Variants in ZNF780B observed in about 807,000 individuals in gnomAD.
ZNF780B encodes the protein zinc finger protein 780B.
In ZNF780B, 52 loss-of-function variants were observed where a neutral mutation model predicts 74.1. That is an observed-to-expected ratio of 0.70 (90% CI 0.56 to 0.88). The LOEUF (loss-of-function observed/expected upper bound fraction) is 0.88, where lower values mean the gene tolerates loss of function less well. Ranked by LOEUF, ZNF780B falls within the 40% of genes least tolerant of loss-of-function variation. ZNF780B has a pLI of 0.00. For synonymous variants in ZNF780B, 315 were observed against 324.3 expected (o/e 0.97, Z 0.31); for missense variants, 953 against 1,007.6 (o/e 0.95, Z 0.73).
chr19:40,043,708 T>C (rs1041191413), intron 4 of ZNF780B, among the ~76,000 whole-genome samples: 1 of 152,236 alleles, frequency 6.6e-6, no homozygotes, highest in African/African-American at 2.4e-5. Context: ...CTCCGAGCCA[T>C]GTGCGGGATA....
In ZNF780B at chr19:40,034,661, G is replaced by A. The variant is rs765646390; in HGVS notation, c.2198C>T (p.Ala733Val). Residue 733 changes from alanine to valine, a missense_variant, in exon 5 of 5, where the codon GCC becomes GTC. Transcript: ENST00000434248. ...AGCAAGCTGTGTCAGAAGACCAAAGGCCTTTCCGCATTCTTTACATTCAAA... is the reference window on the plus strand; with the variant it reads ...AGCAAGCTGTGTCAGAAGACCAAAGACCTTTCCGCATTCTTTACATTCAAA... ...KPFECKECGK[A>V]FGLLTQLAQH... 14 of 1,613,956 alleles carry A rather than the reference G, an allele frequency of 8.7e-6. No homozygotes were observed. Among genetic ancestry groups the A allele is most frequent in the Admixed American group, 1.7e-5 (1 of 59,994 alleles).
At chr19:40,044,915 A>G (rs762849837) in intron 4 of ZNF780B, among the ~76,000 whole-genome samples, 25 of 152,246 alleles carry the variant, frequency 1.6e-4, no homozygotes, top group Non-Finnish European at 3.2e-4. Flanking sequence ...TGAATGGATG[A>G]AAAAACATGA....
At position 40,029,348 on chromosome 19, in the gene ZNF780B, G is replaced by A. The variant is rs867455950; in HGVS notation, c.*5009C>T. 2 of 154,588 alleles carry A rather than the reference G, an allele frequency of 1.3e-5. No homozygotes were observed. Among genetic ancestry groups the A allele is most frequent in the Middle Eastern group, 1.1e-3 (2 of 1,828 alleles). The allele number at this position is 154,588 out of a possible 1,614,324, so 9.6% of individuals were successfully genotyped here. On this transcript the variant is annotated 3_prime_UTR_variant, in exon 5 of 5. Coordinates refer to ENST00000434248, the MANE Select transcript of ZNF780B (RefSeq NM_001005851.3). The stretch of plus-strand genomic sequence containing the variant: ...CTAAAACAAGTTTCTTTACAACGCT[G>A]CTCAGAAACACCATGACAAATTTAA...
chr19:40,034,613 C>T lies in ZNF780B; in HGVS notation c.2246G>A (p.Gly749Asp). ...QLAQHQIIHT[G>D]EKPFKCKECG... The stretch of plus-strand genomic sequence containing the variant: ...CTCCTTACATTTAAATGGCTTCTCA[C>T]CAGTATGAATGATCTGATGTTGAGC... Residue 749 changes from glycine (G) to aspartate (D), a missense_variant, in exon 5 of 5, where the codon GGT becomes GAT. Transcript: ENST00000434248. The T allele has an allele frequency of 6.2e-7, 1 of 1,613,996 alleles. No homozygotes were observed. The highest frequency in any genetic ancestry group is 8.5e-7 in the Non-Finnish European group (1 of 1,179,978).
At chr19:40,050,829 G>A (rs1973192176) in intron 1 of ZNF780B, among the ~76,000 whole-genome samples, 1 of 152,230 alleles carries the variant, frequency 6.6e-6, no homozygotes, top group Non-Finnish European at 1.5e-5. Context: ...AGTGGGGCAA[G>A]GCATGAGAAC....
chr19:40,053,990 T>G (rs1973358016), intron 1 of ZNF780B, among the ~76,000 whole-genome samples: 1 of 152,140 alleles, frequency 6.6e-6, no homozygotes, highest in Non-Finnish European at 1.5e-5. Flanking sequence ...CTGTCTCTAC[T>G]AAAAATACAA....
chr19:40,034,871 T>C lies in ZNF780B; in HGVS notation c.1988A>G (p.His663Arg), dbSNP rs1301777923. 1 of 1,613,964 alleles carries C rather than the reference T, an allele frequency of 6.2e-7. No homozygotes were observed. The highest frequency in any genetic ancestry group is 1.7e-5 in the Admixed American group (1 of 59,986). Residue 663 changes from histidine (H) to arginine (R), a missense_variant, in exon 5 of 5, where the codon CAT (histidine) becomes CGT (arginine). His to Arg is a conservative substitution (Grantham distance 29, BLOSUM62 0). Coordinates refer to ENST00000434248, the MANE Select transcript of ZNF780B (RefSeq NM_001005851.3). ...ACATTCATATGGTTTTACACCAGCA[T>C]GAATACTCTGATGTTGAACAAGGTT... ...VSNLVQHQSI[H>R]AGVKPYECKE...
rs755286420 is a variant in ZNF780B, at chr19:40,034,668, C to T, written c.2191G>A (p.Gly731Arg). ...GEKPFECKEC[G>R]KAFGLLTQLA... Reference sequence around the variant, plus strand: ...TGTGTCAGAAGACCAAAGGCCTTTCCGCATTCTTTACATTCAAAGGGTTTC... The same window carrying T: ...TGTGTCAGAAGACCAAAGGCCTTTCTGCATTCTTTACATTCAAAGGGTTTC... The change falls in exon 5 of 5, where the codon GGA (glycine) becomes AGA (arginine). Residue 731 changes from glycine (G) to arginine (R), a missense_variant. By Grantham distance (125) the Gly-to-Arg change is moderately radical. Coordinates refer to ENST00000434248, the MANE Select transcript of ZNF780B (RefSeq NM_001005851.3). The T allele has an allele frequency of 4.1e-5, 66 of 1,613,874 alleles. No individual in the cohort carries two copies. The highest frequency in any genetic ancestry group is 1.0e-4 in the Admixed American group (6 of 59,976).
chr19:40,049,655 C>T lies in ZNF780B; in HGVS notation c.9+669G>A, dbSNP rs533447258. Among the ~76,000 whole-genome samples, 24 of 152,236 alleles carry T rather than the reference C, an allele frequency of 1.6e-4. 1 individual carries two copies. The South Asian group carries it at 4.2e-3, about 26-fold the overall frequency. ...CTGTGGAGGAGTTTCAAGGTGTTCC[C>T]GAGTGTGGTCAAATGCGACAATCAT... is the stretch of plus-strand genomic sequence containing the variant. On this transcript the variant is annotated intron_variant, in intron 2 of 4. Transcript: ENST00000434248.
At position 40,035,250 on chromosome 19, in the gene ZNF780B, C is replaced by T. The variant is rs368627644; in HGVS notation, c.1609G>A (p.Ala537Thr). The change falls in exon 5 of 5, where the codon GCT (alanine) becomes ACT (threonine). Residue 537 changes from alanine to threonine, a missense_variant. By Grantham distance (58) the Ala-to-Thr change is moderately conservative. Transcript: ENST00000434248. ...KPYECKECGK[A>T]FRLHLQLSQH... is the part of the protein sequence containing the mutation. ...GAAAGTTGTAGGTGAAGTCTAAAAG[C>T]CTTCCCACACTCCTTACATTCATAG... The T allele has an allele frequency of 6.2e-7, 1 of 1,613,998 alleles. No individual in the cohort carries two copies. Among genetic ancestry groups the T allele is most frequent in the Non-Finnish European group, 8.5e-7 (1 of 1,180,002 alleles).
At chr19:40,040,868 G>T (rs1358802200) in intron 4 of ZNF780B, among the ~76,000 whole-genome samples, 5 of 152,108 alleles carry the variant, frequency 3.3e-5, no homozygotes, top group African/African-American at 7.2e-5. Context: ...CCAGCTCCTG[G>T]ATTCATTAAT....
chr19:40,051,067 G>T (rs1456375937), intron 1 of ZNF780B, among the ~76,000 whole-genome samples: 1 of 152,122 alleles, frequency 6.6e-6, no homozygotes, highest in Non-Finnish European at 1.5e-5. Context: ...AAGACTAATA[G>T]ACATCAATAC....
At position 40,034,360 on chromosome 19, in the gene ZNF780B, C is replaced by T. The variant is rs1398701940; in HGVS notation, c.2499G>A (p.Gly833=). Residue 833 remains glycine (G), a synonymous_variant, in exon 5 of 5, where the codon GGG becomes GGA. Transcript: ENST00000434248. ...CATTCCTTACATTCAAAGGTTTTCA[C>T]CCAAGTATGAATTTTCTGATGTTCA... is the stretch of plus-strand genomic sequence containing the variant. ...NLLNIRKFIL[G] is the part of the protein sequence containing the mutation. 1.2e-6 allele frequency: 2 copies of T among 1,603,036 alleles called. No homozygotes were observed. The highest frequency in any genetic ancestry group is 1.3e-5 in the African/African-American group (1 of 74,498).
chr19:40,035,626 A>C lies in ZNF780B; in HGVS notation c.1233T>G (p.His411Gln), dbSNP rs1171664907. The C allele has an allele frequency of 6.2e-7, 1 of 1,613,950 alleles. No individual in the cohort carries two copies. The highest frequency in any genetic ancestry group is 1.1e-5 in the South Asian group (1 of 91,058). The change falls in exon 5 of 5, where the codon CAT becomes CAG. Residue 411 changes from histidine (H) to glutamine (Q), a missense_variant. Coordinates refer to ENST00000434248, the MANE Select transcript of ZNF780B (RefSeq NM_001005851.3). ...TACATTCATATGGTTTTACATCAGCATGAATACTCTGGTGTTGAATAAGGT... is the reference window on the plus strand; with the variant it reads ...TACATTCATATGGTTTTACATCAGCCTGAATACTCTGGTGTTGAATAAGGT... ...SSNLIQHQSI[H>Q]ADVKPYECKE...
rs757300491 is a variant in ZNF780B, at chr19:40,035,815, A to G, written c.1044T>C (p.Leu348=). 4 of 1,614,006 alleles carry G rather than the reference A, an allele frequency of 2.5e-6. No homozygotes were observed. The highest frequency in any genetic ancestry group is 1.3e-5 in the African/African-American group (1 of 74,904). ...CRKAFTLLTK[L]VRHQKIHMGE... ...CCATATGAATCTTCTGATGTCGAAC[A>G]AGCTTTGTCAGAAGAGTAAAGGCCT... Residue 348 remains leucine (L), a synonymous_variant, in exon 5 of 5, where the codon CTT becomes CTC. Transcript: ENST00000434248.
chr19:40,050,470 A>C, intron 1 of ZNF780B, 93 bp from the exon 2 acceptor site: 9 of 1,253,076 alleles, frequency 7.2e-6, no homozygotes, highest in Non-Finnish European at 1.0e-5. Flanking sequence ...CCTATTTCTC[A>C]ACTACTCCTG....
chr19:40,051,508 T>C (rs1418478024), intron 1 of ZNF780B, among the ~76,000 whole-genome samples: 4 of 152,198 alleles, frequency 2.6e-5, no homozygotes, highest in Non-Finnish European at 5.9e-5. Flanking sequence ...CTAAAAAAAA[T>C]TGTCTACAAG....
In ZNF780B at chr19:40,032,559, A is replaced by C. The variant is rs144189689; in HGVS notation, c.*1798T>G. On this transcript the variant is annotated 3_prime_UTR_variant, in exon 5 of 5. Coordinates refer to ENST00000434248, the MANE Select transcript of ZNF780B (RefSeq NM_001005851.3). ...GAGTGAAACCCTGTCTCTACTAAAA[A>C]TACAAAAAATTAGCTGGGCATGGTG... 2.3e-4 allele frequency: 44 copies of C among 193,990 alleles called. No individual in the cohort carries two copies. In the East Asian group the frequency reaches 6.6e-3, roughly 29 times the overall value. 12.0% of individuals were successfully genotyped at this position (193,990 alleles called of 1,614,324 possible).
intron 4 of ZNF780B, among the ~76,000 whole-genome samples, chr19:40,041,017 T>C (rs1332800701): frequency 2.0e-5 from 3 of 152,254 alleles, no homozygotes; most frequent in Non-Finnish European, 2.9e-5. Context: ...ATTTTGGATC[T>C]TTCCTGCTTT....
Sources: allele counts gnomAD v4.1 joint callset (sites outside exome capture counted in the v4.1 genomes callset), GRCh38; gene constraint gnomAD v4.1.1; transcripts MANE v1.5; gene names NCBI Gene and HGNC (gene_info 2026-07-23, HGNC 2026-07-21).